The following KDM4C variants were observed in gnomAD, a reference collection of about 807,000 sequenced individuals.
KDM4C encodes lysine-specific demethylase 4C.
In KDM4C, 81 loss-of-function variants were observed where a neutral mutation model predicts 129.3. The observed-to-expected ratio is 0.63, with a 90% CI of 0.52 to 0.75. The LOEUF is 0.75. KDM4C is among the 30% of genes least tolerant of loss of function. The pLI is 0.00. For missense variants in KDM4C, 1,457 were observed against 1,304.0 expected (o/e 1.12, Z -1.81); for synonymous variants, 573 against 456.1 (o/e 1.26, Z -3.26).
At chr9:6,915,608 C>T (rs4742270) in intron 8 of KDM4C, among the ~76,000 whole-genome samples, 152,356 of 152,368 alleles carry the variant, frequency 1, 76,172 homozygotes, top group Middle Eastern at 1. Flanking sequence ...AACAAAAATA[C>T]GGGAAATAAT....
At chr9:6,942,322 T>TGTGTGTGTGTGTGTGTGTG (rs1589229348) in intron 8 of KDM4C, 1 of 148,760 alleles carries the variant, frequency 6.7e-6, no homozygotes, top group African/African-American at 2.5e-5. Context: ...TGTGTGTGTG[T>TGTGTGTGTGTGTGTGTGTG]TTAATCCTCC....
chr9:7,146,779 A>T (rs537511177), intron 19 of KDM4C, among the ~76,000 whole-genome samples: 21 of 152,178 alleles, frequency 1.4e-4, no homozygotes, highest in African/African-American at 4.8e-4. Flanking sequence ...GTGCTGGAGG[A>T]TGTTGACGCT....
intron 18 of KDM4C, among the ~76,000 whole-genome samples, chr9:7,125,994 A>C (rs1284614962): frequency 6.6e-6 from 1 of 152,210 alleles, no homozygotes; most frequent in Non-Finnish European, 1.5e-5. Context: ...TGAAAGGGGA[A>C]CGGGGACTAT....
intron 1 of KDM4C, among the ~76,000 whole-genome samples, chr9:6,792,121 G>A (rs1280894981): frequency 6.6e-6 from 1 of 151,992 alleles, no homozygotes; most frequent in African/African-American, 2.4e-5. Flanking sequence ...CTGGCGGATT[G>A]GCTGAGGTCA....
intron 19 of KDM4C, among the ~76,000 whole-genome samples, chr9:7,136,484 C>T (rs181555939): frequency 4.3e-4 from 65 of 152,298 alleles, no homozygotes; most frequent in African/African-American, 1.3e-3. Flanking sequence ...ACATCCTCAC[C>T]AACACCTGTG....
Position 6,729,457 on chromosome 9 carries a change from C to T in KDM4C, c.49+8460C>T, listed in dbSNP as rs1394487151. Among the ~76,000 whole-genome samples the T allele has an allele frequency of 4.8e-5, 6 of 126,148 alleles. 1 individual carries two copies. Among genetic ancestry groups the T allele is most frequent in the Non-Finnish European group, 7.9e-5 (5 of 63,462 alleles). 82.8% of individuals were successfully genotyped at this position (126,148 alleles called of 152,430 possible). A position where few individuals can be genotyped will look rare whatever the true frequency, so the allele number is the denominator to read the frequency against. On this transcript the variant is annotated intron_variant, in intron 1 of 17. Transcript: ENST00000536108. ...TTAGGAGGCTTTGGTGGGAGGACTGCTTGAGCCCAGGGGAGTGGGGCGGAG... is the reference window on the plus strand; with the variant it reads ...TTAGGAGGCTTTGGTGGGAGGACTGTTTGAGCCCAGGGGAGTGGGGCGGAG...
chr9:7,026,752 C>T (rs1464397738), intron 15 of KDM4C, among the ~76,000 whole-genome samples: 1 of 152,052 alleles, frequency 6.6e-6, no homozygotes, highest in Non-Finnish European at 1.5e-5. Context: ...TTTCTTGATC[C>T]TGTAGGTGTG....
chr9:6,954,694 A>G (rs1029667331), intron 8 of KDM4C, among the ~76,000 whole-genome samples: 2 of 152,232 alleles, frequency 1.3e-5, no homozygotes, highest in Admixed American at 1.3e-4. Context: ...ATGATTTAGC[A>G]TTCTATGTAA....
intron 8 of KDM4C, among the ~76,000 whole-genome samples, chr9:6,929,005 C>G (rs1823157628): frequency 6.6e-6 from 1 of 152,204 alleles, no homozygotes; most frequent in Admixed American, 6.5e-5. Flanking sequence ...CGTACCTGTG[C>G]TGCTTCATCT....
chr9:6,771,598 A>C (rs1821858631), intron 1 of KDM4C, among the ~76,000 whole-genome samples: 1 of 152,220 alleles, frequency 6.6e-6, no homozygotes. Flanking sequence ...GGTGTGAGCC[A>C]CTGCACCCGG....
chr9:6,954,574 T>A (rs945720325), intron 8 of KDM4C, among the ~76,000 whole-genome samples: 4 of 152,200 alleles, frequency 2.6e-5, no homozygotes, highest in East Asian at 1.9e-4. Flanking sequence ...TAAAATTATA[T>A]GAAAAATTCT....
chr9:6,774,970 C>T (rs1374982279), intron 1 of KDM4C, among the ~76,000 whole-genome samples: 1 of 152,132 alleles, frequency 6.6e-6, no homozygotes, highest in Non-Finnish European at 1.5e-5. Context: ...TGAAAATGGA[C>T]TTACGCTTTG....
intron 11 of KDM4C, among the ~76,000 whole-genome samples, chr9:6,989,379 C>G (rs1818326994): frequency 1.3e-5 from 2 of 152,134 alleles, no homozygotes; most frequent in Admixed American, 1.3e-4. Flanking sequence ...TATCCTCTTT[C>G]CCTTCCCCCT....
intron 11 of KDM4C, 21 bp from the exon 12 acceptor site, chr9:6,990,395 C>G (rs1712213629): frequency 6.7e-7 from 1 of 1,485,836 alleles, no homozygotes; most frequent in African/African-American, 1.4e-5. Context: ...TATTTCTCCA[C>G]CATTTTTGTT....
At chr9:6,736,307 G>A (rs2130238741) in intron 1 of KDM4C, among the ~76,000 whole-genome samples, 1 of 152,300 alleles carries the variant, frequency 6.6e-6, no homozygotes, top group Non-Finnish European at 1.5e-5. Context: ...GTAATGAGGA[G>A]CTGAATGTTA....
chr9:6,793,871 A>G (rs978825286), intron 2 of KDM4C, among the ~76,000 whole-genome samples: 1 of 152,030 alleles, frequency 6.6e-6, no homozygotes, highest in African/African-American at 2.4e-5. Context: ...ACTTATTGAT[A>G]TATTTTATCA....
At chr9:6,951,760 C>T (rs1828190821) in intron 8 of KDM4C, among the ~76,000 whole-genome samples, 1 of 151,844 alleles carries the variant, frequency 6.6e-6, no homozygotes, top group Admixed American at 6.6e-5. Context: ...ATAGAGATGC[C>T]CAAATTCATT....
At chr9:6,980,859 G>T (rs1816647470) in intron 8 of KDM4C, 66 bp from the exon 9 acceptor site, 2 of 1,385,684 alleles carry the variant, frequency 1.4e-6, no homozygotes, top group Non-Finnish European at 2.0e-6. Context: ...TGTGTTCAAG[G>T]ACCAACTCTG....
At chr9:6,837,434 A>C (rs954485480) in intron 4 of KDM4C, among the ~76,000 whole-genome samples, 1 of 152,232 alleles carries the variant, frequency 6.6e-6, no homozygotes, top group Non-Finnish European at 1.5e-5. Flanking sequence ...TGTATACTTC[A>C]GTGATTTTCG....
Sources: allele counts gnomAD v4.1 joint callset (sites outside exome capture counted in the v4.1 genomes callset), GRCh38; gene constraint gnomAD v4.1.1; transcripts MANE v1.5; gene names NCBI Gene and HGNC (gene_info 2026-07-23, HGNC 2026-07-21).